Variants in NELL1 observed in about 807,000 individuals in gnomAD.
NELL1 encodes the protein protein kinase C-binding protein NELL1.
NELL1 carries 76 observed loss-of-function variants against 107.4 expected under a neutral mutation model. That is an observed-to-expected ratio of 0.71 (90% CI 0.59 to 0.86). NELL1 has a LOEUF of 0.86. Among genes scored for constraint, NELL1 ranks in the 40% least tolerant of loss-of-function variants. The pLI, the probability that NELL1 is intolerant of heterozygous loss-of-function variation, is 0.00. For missense variants in NELL1, 1,024 were observed against 1,005.5 expected, an observed-to-expected ratio of 1.02 and a Z score of -0.25; for synonymous variants, 353 against 341.2, an observed-to-expected ratio of 1.03 and a Z score of -0.38.
intron 12 of NELL1, among the ~76,000 whole-genome samples, chr11:21,053,629 T>C (rs554199882): frequency 3.9e-5 from 6 of 152,260 alleles, no homozygotes; most frequent in African/African-American, 1.2e-4. Flanking sequence ...CTGAGTCCCA[T>C]ACAGTGAAGG....
At chr11:21,240,774 G>GC (rs371514636) in intron 14 of NELL1, among the ~76,000 whole-genome samples, 87 of 137,382 alleles carry the variant, frequency 6.3e-4, no homozygotes, top group South Asian at 7.5e-4. Flanking sequence ...AGTGGGGGGG[G>GC]GGAGGGGGGA....
chr11:20,983,534 T>C (rs1381714192), intron 12 of NELL1, among the ~76,000 whole-genome samples: 1 of 152,180 alleles, frequency 6.6e-6, no homozygotes, highest in Non-Finnish European at 1.5e-5. Context: ...AACCCTCCCA[T>C]TACATAGTCA....
chr11:20,918,020 G>T (rs1850294640), intron 5 of NELL1, among the ~76,000 whole-genome samples, 162 bp from the exon 6 acceptor site: 1 of 151,922 alleles, frequency 6.6e-6, no homozygotes, highest in Admixed American at 6.6e-5. Context: ...CCTAAAGTAG[G>T]ATGCTTTAGA....
intron 14 of NELL1, among the ~76,000 whole-genome samples, chr11:21,331,956 C>T (rs981003251): frequency 2.6e-5 from 4 of 151,982 alleles, no homozygotes; most frequent in African/African-American, 9.7e-5. Flanking sequence ...GCTCTTTCCC[C>T]TTGTGGCATG....
intron 12 of NELL1, among the ~76,000 whole-genome samples, chr11:20,993,473 G>T (rs1272183476): frequency 2.0e-5 from 3 of 152,160 alleles, no homozygotes; most frequent in African/African-American, 7.2e-5. Context: ...ATTTGGGCTA[G>T]TGTCCATTAG....
At chr11:21,442,324 T>G (rs957755975) in intron 15 of NELL1, among the ~76,000 whole-genome samples, 2 of 152,140 alleles carry the variant, frequency 1.3e-5, no homozygotes, top group African/African-American at 4.8e-5. Context: ...AAATATTGGT[T>G]TGTGTGTATG....
At chr11:21,050,101 G>A (rs554801432) in intron 12 of NELL1, among the ~76,000 whole-genome samples, 83 of 151,978 alleles carry the variant, frequency 5.5e-4, no homozygotes, top group Non-Finnish European at 9.0e-4. Flanking sequence ...TTTCAGAGGC[G>A]ATGAATAAAA....
chr11:20,830,212 T>TA (rs1306978641), intron 3 of NELL1, among the ~76,000 whole-genome samples: 1 of 150,440 alleles, frequency 6.6e-6, no homozygotes, highest in Non-Finnish European at 1.5e-5. Flanking sequence ...ATGGAGGTTG[T>TA]AGTGAGCCAA....
At chr11:20,789,853 C>T (rs898283210) in intron 3 of NELL1, among the ~76,000 whole-genome samples, 6 of 152,248 alleles carry the variant, frequency 3.9e-5, no homozygotes, top group African/African-American at 1.2e-4. Context: ...CTCTGCAGCT[C>T]TCAGCAGAGA....
At chr11:21,301,038 T>C (rs1324580738) in intron 14 of NELL1, among the ~76,000 whole-genome samples, 1 of 152,138 alleles carries the variant, frequency 6.6e-6, no homozygotes, top group Non-Finnish European at 1.5e-5. Context: ...GAATGATGGT[T>C]TCCAGCTTCA....
chr11:20,937,985 C>T (rs775874650), intron 10 of NELL1, 126 bp downstream of exon 10: 19 of 848,960 alleles, frequency 2.2e-5, no homozygotes, highest in South Asian at 1.1e-4. Flanking sequence ...GAACTCTCTG[C>T]GGTGGGTTGG....
intron 12 of NELL1, among the ~76,000 whole-genome samples, chr11:21,073,025 T>C (rs1854052637): frequency 6.6e-6 from 1 of 152,156 alleles, no homozygotes; most frequent in South Asian, 2.1e-4. Context: ...GCAAGATCCC[T>C]GAACCCTCTC....
intron 16 of NELL1, among the ~76,000 whole-genome samples, chr11:21,554,592 A>G (rs1293224340): frequency 6.6e-6 from 1 of 151,868 alleles, no homozygotes; most frequent in Non-Finnish European, 1.5e-5. Context: ...GATTAAATGT[A>G]TGAGAGAAAA....
In NELL1 at chr11:21,195,925, A is replaced by G. The variant is rs115845590; in HGVS notation, c.1427-33407A>G. On this transcript the variant is annotated intron_variant, in intron 13 of 19. Transcript: ENST00000357134. ...CCATAGGCAAGTAATACTATTTTTC[A>G]GCATGAAGTGTTATTACCTCCCACC... Among the ~76,000 whole-genome samples the G allele has an allele frequency of 7.9e-3, 1,197 of 152,314 alleles. 13 individuals are homozygous for G. The highest frequency in any genetic ancestry group is 0.031 in the Middle Eastern group (9 of 294).
chr11:21,442,756 G>A (rs1258685418), intron 15 of NELL1, among the ~76,000 whole-genome samples: 2 of 152,076 alleles, frequency 1.3e-5, no homozygotes, highest in East Asian at 3.9e-4. Flanking sequence ...GACTGGAATT[G>A]GAGCTGAAGC....
At chr11:21,492,934 G>C (rs2133919225) in intron 15 of NELL1, among the ~76,000 whole-genome samples, 1 of 151,982 alleles carries the variant, frequency 6.6e-6, no homozygotes, top group South Asian at 2.1e-4. Flanking sequence ...GCCCATAATA[G>C]ACATTTCTCA....
At chr11:20,898,499 A>C (rs1463890272) in intron 5 of NELL1, among the ~76,000 whole-genome samples, 2 of 151,738 alleles carry the variant, frequency 1.3e-5, no homozygotes, top group Non-Finnish European at 2.9e-5. Flanking sequence ...ACAGCACACC[A>C]ACATGGCACA....
intron 2 of NELL1, among the ~76,000 whole-genome samples, chr11:20,681,132 T>G (rs1854181119): frequency 6.6e-6 from 1 of 152,158 alleles, no homozygotes; most frequent in African/African-American, 2.4e-5. Context: ...GCTTTCCTGA[T>G]AGTGTGTCTC....
intron 14 of NELL1, among the ~76,000 whole-genome samples, chr11:21,345,337 G>A (rs1850660959): frequency 6.6e-6 from 1 of 152,166 alleles, no homozygotes; most frequent in Non-Finnish European, 1.5e-5. Context: ...CACAAAATGA[G>A]TGTTTAAGTG....
Sources: gnomAD v4.1 joint callset for allele counts (sites outside exome capture counted in the v4.1 genomes callset) on GRCh38, gnomAD v4.1.1 for gene constraint, MANE v1.5 for transcripts, NCBI Gene and HGNC (gene_info 2026-07-23, HGNC 2026-07-21) for gene names.